PAPPA2: variants seen among roughly 807,000 people sequenced by gnomAD.
PAPPA2 encodes the protein pappalysin 2.
In PAPPA2, 86 loss-of-function variants were observed where a neutral mutation model predicts 176.4. The ratio of observed to expected loss-of-function variants is 0.49; its 90% confidence interval spans 0.41 to 0.58. The LOEUF is 0.58. PAPPA2 is among the 20% of genes least tolerant of loss of function. The pLI, the probability that PAPPA2 is intolerant of heterozygous loss-of-function variation, is 0.00. For missense variants in PAPPA2, 2,073 were observed against 2,256.9 expected (o/e 0.92, Z 1.65); for synonymous variants, 809 against 852.2 (o/e 0.95, Z 0.88).
At chr1:176,728,074 A>C (rs959263341) in intron 12 of PAPPA2, among the ~76,000 whole-genome samples, 23 of 152,110 alleles carry the variant, frequency 1.5e-4, no homozygotes, top group African/African-American at 5.5e-4. Context: ...CAACAATCAG[A>C]GTTTCTACCT....
intron 2 of PAPPA2, among the ~76,000 whole-genome samples, chr1:176,589,134 T>A (rs1180775515): frequency 1.3e-5 from 2 of 152,208 alleles, no homozygotes; most frequent in Non-Finnish European, 2.9e-5. Flanking sequence ...TCAAAACTTT[T>A]TTTTTTCATG....
At chr1:176,498,793 G>A (rs1647790963) in intron 1 of PAPPA2, among the ~76,000 whole-genome samples, 1 of 149,856 alleles carries the variant, frequency 6.7e-6, no homozygotes, top group African/African-American at 2.5e-5. Context: ...GCTACAGGTG[G>A]CTGGCTTCCA....
At chr1:176,554,236 A>G (rs1651137174) in intron 1 of PAPPA2, among the ~76,000 whole-genome samples, 2 of 152,316 alleles carry the variant, frequency 1.3e-5, no homozygotes, top group South Asian at 2.1e-4. Context: ...GACTCAAGGC[A>G]GAAGAGGCAG....
intron 15 of PAPPA2, among the ~76,000 whole-genome samples, chr1:176,769,234 T>C (rs1227389609): frequency 3.9e-5 from 6 of 152,166 alleles, no homozygotes; most frequent in African/African-American, 1.4e-4. Context: ...TGACACTGTG[T>C]CCTGGATCTG....
At chr1:176,621,716 C>G (rs1025978403) in intron 3 of PAPPA2, among the ~76,000 whole-genome samples, 3 of 152,002 alleles carry the variant, frequency 2.0e-5, no homozygotes, top group African/African-American at 7.2e-5. Context: ...GGAACCTGCT[C>G]TGTCAGTGAG....
In PAPPA2 at chr1:176,481,252, G is replaced by GCACACACACACA. The variant is rs56206580; in HGVS notation, c.-917+17871_-917+17882dup. On this transcript the variant is annotated intron_variant, in intron 1 of 22. Coordinates refer to ENST00000367662, the MANE Select transcript of PAPPA2 (RefSeq NM_020318.3). ...TTGATTTAAGCGCTGAGATTTTAAA[G>GCACACACACACA]CACACACACACACACACACACACAC... is the stretch of plus-strand genomic sequence containing the variant. Among the ~76,000 whole-genome samples, 72 of 140,306 alleles carry GCACACACACACA rather than the reference G, an allele frequency of 5.1e-4. 1 individual carries two copies. Among genetic ancestry groups the GCACACACACACA allele is most frequent in the East Asian group, 1.9e-3 (8 of 4,320 alleles). 92.0% of individuals were successfully genotyped at this position (140,306 alleles called of 152,430 possible).
intron 14 of PAPPA2, among the ~76,000 whole-genome samples, chr1:176,752,358 A>AC: frequency 6.6e-6 from 1 of 151,966 alleles, no homozygotes; most frequent in South Asian, 2.1e-4. Flanking sequence ...AAAAAAAAAA[A>AC]AAAAAAACAT....
intron 12 of PAPPA2, among the ~76,000 whole-genome samples, chr1:176,736,049 GACTTTCCAGC>G (rs1275969265): frequency 6.6e-6 from 1 of 152,042 alleles, no homozygotes; most frequent in African/African-American, 2.4e-5. Flanking sequence ...TAATTCTTTT[GACTTTCCAGC>G]ACTTTGATTT....
At chr1:176,674,943 T>C (rs907514061) in intron 4 of PAPPA2, among the ~76,000 whole-genome samples, 1 of 152,056 alleles carries the variant, frequency 6.6e-6, no homozygotes, top group Admixed American at 6.6e-5. Context: ...ACATCTATTA[T>C]TTTTTGATTT....
At chr1:176,796,599 T>A (rs1019523256) in intron 20 of PAPPA2, among the ~76,000 whole-genome samples, 1 of 121,878 alleles carries the variant, frequency 8.2e-6, no homozygotes, top group African/African-American at 3.1e-5. Context: ...TCTTTCTCTT[T>A]CTTTTCTTTT....
Position 176,640,696 on chromosome 1 carries a change from C to T in PAPPA2, c.1992-30274C>T, listed in dbSNP as rs1156809550. The stretch of plus-strand genomic sequence containing the variant: ...GCAGCATGATTTATAGTCCTTTGGG[C>T]ATATACCCAGTAATGGGATGGCTGG... On this transcript the variant is annotated intron_variant, in intron 3 of 22. Transcript: ENST00000367662. 3.5e-4 allele frequency among the ~76,000 whole-genome samples: 53 copies of T among 151,468 alleles called. 1 individual carries two copies. The South Asian group carries it at 9.7e-3, about 28-fold the overall frequency.
chr1:176,687,179 G>A (rs1486515550), intron 4 of PAPPA2, among the ~76,000 whole-genome samples: 5 of 152,046 alleles, frequency 3.3e-5, no homozygotes, highest in East Asian at 1.9e-4. Context: ...ACATCTCTTC[G>A]CAATTGAAAA....
rs141294900 is a variant in PAPPA2, at chr1:176,695,911, G to A, written c.2746+52G>A. ...ATACCCTGGTGACCACTGAGGATGG[G>A]GGTGGAGGTAAAGAGTGGAGTAGTG... On this transcript the variant is annotated intron_variant, in intron 7 of 22. Coordinates refer to ENST00000367662, the MANE Select transcript of PAPPA2 (RefSeq NM_020318.3). 3.7e-6 allele frequency: 6 copies of A among 1,602,490 alleles called. No homozygotes were observed. The African/African-American group carries it at 6.7e-5, about 18-fold the overall frequency.
intron 13 of PAPPA2, 78 bp downstream of exon 13, chr1:176,739,839 T>A: frequency 6.3e-7 from 1 of 1,582,654 alleles, no homozygotes; most frequent in Non-Finnish European, 8.6e-7. Flanking sequence ...TGTCTGTCTT[T>A]TATGTTGTCT....
Position 176,651,519 on chromosome 1 carries a change from G to C in PAPPA2, c.1992-19451G>C, listed in dbSNP as rs1231457510. On this transcript the variant is annotated intron_variant, in intron 3 of 22. Transcript: ENST00000367662. ...AGACAAATTTGAACTTCTTTTATGT[G>C]CTATTTGCTTCTTTTAGAATCCTTT... 4.6e-5 allele frequency among the ~76,000 whole-genome samples: 7 copies of C among 151,548 alleles called. No individual in the cohort carries two copies. The South Asian group carries it at 1.5e-3, about 31-fold the overall frequency.
chr1:176,830,095 A>C (rs1667027213), intron 21 of PAPPA2, among the ~76,000 whole-genome samples: 1 of 152,176 alleles, frequency 6.6e-6, no homozygotes, highest in Non-Finnish European at 1.5e-5. Flanking sequence ...ATAATTGGGC[A>C]TGGTGGTTTA....
At chr1:176,566,194 G>A (rs574834135) in intron 2 of PAPPA2, among the ~76,000 whole-genome samples, 1 of 152,258 alleles carries the variant, frequency 6.6e-6, no homozygotes, top group East Asian at 1.9e-4. Flanking sequence ...GGGTTCTTTG[G>A]CAGACCATTC....
At chr1:176,616,450 G>T (rs1655263218) in intron 3 of PAPPA2, 3 of 671,506 alleles carry the variant, frequency 4.5e-6, no homozygotes, top group Non-Finnish European at 8.2e-6. Context: ...AGGGCAACAA[G>T]TACTGGAGCT....
At chr1:176,804,923 G>T (rs1388810840) in intron 21 of PAPPA2, among the ~76,000 whole-genome samples, 2 of 152,022 alleles carry the variant, frequency 1.3e-5, no homozygotes, top group Non-Finnish European at 2.9e-5. Flanking sequence ...TTTCTTCCCA[G>T]CATAGAGAAA....
Sources: allele counts gnomAD v4.1 joint callset (sites outside exome capture counted in the v4.1 genomes callset), GRCh38; gene constraint gnomAD v4.1.1; transcripts MANE v1.5; gene names NCBI Gene and HGNC (gene_info 2026-07-23, HGNC 2026-07-21).